The following PPFIA2 variants were observed in gnomAD, a reference collection of about 807,000 sequenced individuals.
The protein encoded by PPFIA2 is PPFI scaffold protein A2.
Under a neutral mutation model 175.5 loss-of-function variants are expected in PPFIA2, and 46 were observed. The ratio of observed to expected loss-of-function variants is 0.26; its 90% CI spans 0.21 to 0.34. The LOEUF is 0.34. Ranked by LOEUF, PPFIA2 falls within the 10% of genes least tolerant of loss-of-function variation. The pLI is 1.00. For missense variants in PPFIA2, 1,179 were observed against 1,506.1 expected (o/e 0.78, Z 3.60); for synonymous variants, 568 against 511.4 (o/e 1.11, Z -1.49).
Position 81,389,860 on chromosome 12 carries a change from T to G in PPFIA2, c.763-5616A>C, listed in dbSNP as rs2039779898. ...ATAAAAAGTTCAGTGGAGTTTAGTA[T>G]ACTTACAGAGTTGCGCAACTATCAA... On this transcript the variant is annotated intron_variant, in intron 8 of 32. Transcript: ENST00000549396. Among the ~76,000 whole-genome samples the G allele has an allele frequency of 2.6e-5, 4 of 152,072 alleles. No homozygotes were observed. The South Asian group carries it at 8.3e-4, about 31-fold the overall frequency.
At chr12:81,471,383 C>A (rs941379489) in intron 4 of PPFIA2, 1 of 150,902 alleles carries the variant, frequency 6.6e-6, no homozygotes, top group African/African-American at 2.4e-5. Context: ...AGGCTGGTCT[C>A]GAACTCCTGG....
chr12:81,551,759 TA>T (rs1650678582), intron 4 of PPFIA2, among the ~76,000 whole-genome samples: 1 of 151,988 alleles, frequency 6.6e-6, no homozygotes, highest in Non-Finnish European at 1.5e-5. Context: ...ATTGTATATA[TA>T]AAGTCTTTTC....
At chr12:81,288,904 G>A (rs988371824) in intron 24 of PPFIA2, among the ~76,000 whole-genome samples, 1 of 151,558 alleles carries the variant, frequency 6.6e-6, no homozygotes, top group African/African-American at 2.4e-5. Context: ...TAAAGGTTGG[G>A]GCTTATGAGG....
At position 81,597,194 on chromosome 12, in the gene PPFIA2, AC is replaced by A. The variant is rs775916082; in HGVS notation, c.303+79596del. Among the ~76,000 whole-genome samples, 114 of 152,188 alleles carry A rather than the reference AC, an allele frequency of 7.5e-4. 3 individuals are homozygous for A. The Middle Eastern group carries it at 0.014, about 18-fold the overall frequency. On this transcript the variant is annotated intron_variant, in intron 4 of 32. Transcript: ENST00000549396. ...ATGATATGACTGAATTACAAAGTAA[AC>A]CTTAGGAATGAAAGGCACAATTTGA... is the stretch of plus-strand genomic sequence containing the variant.
chr12:81,374,540 C>T, intron 11 of PPFIA2, 94 bp downstream of exon 11: 1 of 1,398,688 alleles, frequency 7.1e-7, no homozygotes, highest in Non-Finnish European at 9.5e-7. Context: ...ACTTAATTTT[C>T]ATAAAGCCTA....
At chr12:81,381,957 C>T (rs1044596374) in intron 9 of PPFIA2, among the ~76,000 whole-genome samples, 2 of 151,908 alleles carry the variant, frequency 1.3e-5, no homozygotes, top group Non-Finnish European at 2.9e-5. Flanking sequence ...TCTCTGAAGA[C>T]AGCAGTGAAC....
rs779524991 is a variant in PPFIA2, at chr12:81,382,655, T to C, written c.984+1368A>G. On this transcript the variant is annotated intron_variant, in intron 9 of 32. Transcript: ENST00000549396. ...AGAGATCTTAAGGACAGCTTCAAGATTGTTGGCCTGAGCAACAATAATAAT... is the reference window on the plus strand; with the variant it reads ...AGAGATCTTAAGGACAGCTTCAAGACTGTTGGCCTGAGCAACAATAATAAT... Among the ~76,000 whole-genome samples, 4 of 152,234 alleles carry C rather than the reference T, an allele frequency of 2.6e-5. No individual in the cohort carries two copies. The South Asian group carries it at 6.2e-4, about 24-fold the overall frequency.
intron 3 of PPFIA2, among the ~76,000 whole-genome samples, chr12:81,744,831 G>A (rs1258091755): frequency 1.3e-5 from 2 of 152,188 alleles, no homozygotes; most frequent in Non-Finnish European, 2.9e-5. Context: ...AGAGGGCTCA[G>A]GGTAAAAACA....
chr12:81,538,619 T>A (rs1461053217), intron 4 of PPFIA2, among the ~76,000 whole-genome samples: 3 of 151,790 alleles, frequency 2.0e-5, no homozygotes, highest in Admixed American at 6.6e-5. Context: ...TTGAAAGAAG[T>A]GAACATGTGG....
intron 4 of PPFIA2, among the ~76,000 whole-genome samples, chr12:81,643,889 G>A (rs996847806): frequency 6.6e-6 from 1 of 151,876 alleles, no homozygotes; most frequent in Non-Finnish European, 1.5e-5. Flanking sequence ...TTCTGTTTGG[G>A]GAAGGGCTGT....
chr12:81,633,521 A>G (rs763174370), intron 4 of PPFIA2, among the ~76,000 whole-genome samples: 26 of 151,682 alleles, frequency 1.7e-4, no homozygotes, highest in Non-Finnish European at 2.9e-5. Flanking sequence ...CACTATAATC[A>G]TGGCTAGGTT....
intron 14 of PPFIA2, among the ~76,000 whole-genome samples, chr12:81,366,138 T>G (rs2141361729): frequency 6.7e-6 from 1 of 150,026 alleles, no homozygotes; most frequent in South Asian, 2.1e-4. Context: ...CTCTCTCCAT[T>G]TCTTCTATCT....
At chr12:81,700,569 G>A (rs2076373446) in intron 3 of PPFIA2, among the ~76,000 whole-genome samples, 1 of 151,920 alleles carries the variant, frequency 6.6e-6, no homozygotes, top group Non-Finnish European at 1.5e-5. Flanking sequence ...TATGGTTCTG[G>A]GAAATGTGTT....
At chr12:81,261,887 A>G (rs2035681631) in intron 32 of PPFIA2, 62 bp downstream of exon 32, 1 of 1,100,348 alleles carries the variant, frequency 9.1e-7, no homozygotes, top group East Asian at 2.6e-5. Context: ...TATATTTATT[A>G]GTCTATGTAG....
Position 81,320,768 on chromosome 12 carries a change from T to C in PPFIA2, c.2642+5009A>G, listed in dbSNP as rs542995458. Among the ~76,000 whole-genome samples the C allele has an allele frequency of 5.9e-5, 9 of 152,202 alleles. No individual in the cohort carries two copies. In the East Asian group the frequency reaches 1.7e-3, roughly 29 times the overall value. On this transcript the variant is annotated intron_variant, in intron 22 of 32. Coordinates refer to ENST00000549396, the MANE Select transcript of PPFIA2 (RefSeq NM_003625.5). ...TCAATGGATATTCTATCAATTTTAATATGTTCACTGCCTATTCAGGATGGT... is the reference window on the plus strand; with the variant it reads ...TCAATGGATATTCTATCAATTTTAACATGTTCACTGCCTATTCAGGATGGT...
At chr12:81,380,570 G>A (rs2037405927) in intron 9 of PPFIA2, among the ~76,000 whole-genome samples, 1 of 151,986 alleles carries the variant, frequency 6.6e-6, no homozygotes, top group Non-Finnish European at 1.5e-5. Context: ...ATTATTTAGA[G>A]GACAGTTATG....
At chr12:81,682,619 C>T (rs554889838) in intron 3 of PPFIA2, among the ~76,000 whole-genome samples, 2 of 152,058 alleles carry the variant, frequency 1.3e-5, no homozygotes, top group South Asian at 4.1e-4. Flanking sequence ...TATTTCAAGT[C>T]TTTAAAATAT....
chr12:81,285,348 C>T (rs550914475), intron 24 of PPFIA2, among the ~76,000 whole-genome samples: 7 of 152,128 alleles, frequency 4.6e-5, no homozygotes, highest in Admixed American at 3.3e-4. Context: ...ATTGGTGTAG[C>T]AAAGTTGTTA....
chr12:81,344,850 C>T (rs2058763260), intron 18 of PPFIA2, 157 bp from the exon 19 acceptor site: 1 of 545,736 alleles, frequency 1.8e-6, no homozygotes, highest in Non-Finnish European at 3.2e-6. Context: ...ACTATAAAAG[C>T]ACTCCGCCTG....
Sources: allele counts gnomAD v4.1 joint callset (sites outside exome capture counted in the v4.1 genomes callset), GRCh38; gene constraint gnomAD v4.1.1; transcripts MANE v1.5; gene names NCBI Gene and HGNC (gene_info 2026-07-23, HGNC 2026-07-21).